Variants in FGF14 observed in about 807,000 individuals in gnomAD.
FGF14 encodes fibroblast growth factor 14.
FGF14 carries 5 observed loss-of-function variants against 25.5 expected under a neutral mutation model. That is an observed-to-expected ratio of 0.20 (90% CI 0.10 to 0.41). The LOEUF is 0.41. Among genes scored for constraint, FGF14 ranks in the 10% least tolerant of loss-of-function variants. FGF14 has a pLI of 1.00. For missense variants in FGF14, 222 were observed against 320.1 expected (o/e 0.69, Z 2.34); for synonymous variants, 138 against 118.3 (o/e 1.17, Z -1.08).
chr13:101,868,411 C>A lies in FGF14; in HGVS notation c.408+314G>T, dbSNP rs188512576. 7.0e-3 allele frequency: 1,634 copies of A among 232,034 alleles called. 12 individuals carry two copies. The highest frequency in any genetic ancestry group is 0.012 in the Admixed American group (241 of 19,496). 14.4% of individuals were successfully genotyped at this position (232,034 alleles called of 1,614,324 possible). On this transcript the variant is annotated intron_variant, in intron 3 of 4. Coordinates refer to ENST00000376143, the MANE Select transcript of FGF14 (RefSeq NM_004115.4). ...GAATTCATATTGTTTCTTTTAAAAA[C>A]ATTATAAGAAACTCTCTAAGATAAG...
chr13:102,123,465 T>C lies in FGF14; in HGVS notation c.209-248169A>G, dbSNP rs117825936. On this transcript the variant is annotated intron_variant, in intron 1 of 4. Coordinates refer to the FGF14 transcript ENST00000376131. ...AAATTTAGGTAACAGGCAGATTAAGTAAAAATTGATTTTTCTTGCAAGACA... is the reference window on the plus strand; with the variant it reads ...AAATTTAGGTAACAGGCAGATTAAGCAAAAATTGATTTTTCTTGCAAGACA... Among the ~76,000 whole-genome samples, 11 of 152,292 alleles carry C rather than the reference T, an allele frequency of 7.2e-5. No homozygotes were observed. The East Asian group carries it at 2.1e-3, about 29-fold the overall frequency.
intron 1 of FGF14, among the ~76,000 whole-genome samples, chr13:102,009,428 T>G (rs1280988049): frequency 1.3e-5 from 2 of 152,170 alleles, no homozygotes; most frequent in Non-Finnish European, 1.5e-5. Context: ...TTGACGTGCA[T>G]GAGTTTGTGG....
intron 1 of FGF14, among the ~76,000 whole-genome samples, chr13:102,310,226 G>C (rs2055658033): frequency 6.6e-6 from 1 of 152,192 alleles, no homozygotes; most frequent in Admixed American, 6.5e-5. Context: ...CAAGAGGATA[G>C]TTTTACTCTT....
At chr13:102,024,994 T>C (rs1315906344) in intron 1 of FGF14, among the ~76,000 whole-genome samples, 2 of 150,060 alleles carry the variant, frequency 1.3e-5, no homozygotes, top group Non-Finnish European at 2.9e-5. Context: ...CACACACACA[T>C]ATATAAACAC....
At chr13:101,814,552 C>T (rs2041737680) in intron 3 of FGF14, among the ~76,000 whole-genome samples, 1 of 152,192 alleles carries the variant, frequency 6.6e-6, no homozygotes, top group Admixed American at 6.5e-5. Context: ...CTTAAAAATT[C>T]CCTTTTGCCT....
intron 1 of FGF14, among the ~76,000 whole-genome samples, chr13:102,371,378 T>C (rs2057878873): frequency 6.6e-6 from 1 of 152,084 alleles, no homozygotes; most frequent in African/African-American, 2.4e-5. Context: ...GTTTTTTTAT[T>C]CTTTTTTACT....
chr13:102,369,973 C>CT (rs1446128655), intron 1 of FGF14, among the ~76,000 whole-genome samples: 2 of 151,954 alleles, frequency 1.3e-5, no homozygotes, highest in Non-Finnish European at 2.9e-5. Flanking sequence ...GCATTGAATT[C>CT]TTTAACTATC....
chr13:102,059,659 T>C (rs2042589049), intron 1 of FGF14, among the ~76,000 whole-genome samples: 1 of 151,816 alleles, frequency 6.6e-6, no homozygotes, highest in Admixed American at 6.6e-5. Context: ...GAAACCGGCA[T>C]GGCCAACGTG....
intron 1 of FGF14, among the ~76,000 whole-genome samples, chr13:101,946,948 T>C (rs2035848687): frequency 1.3e-5 from 2 of 152,200 alleles, no homozygotes; most frequent in South Asian, 4.1e-4. Flanking sequence ...GAAGAACTCT[T>C]TAGTGCCCCG....
At chr13:102,164,395 C>G (rs969315694) in intron 1 of FGF14, among the ~76,000 whole-genome samples, 15 of 151,986 alleles carry the variant, frequency 9.9e-5, no homozygotes, top group African/African-American at 3.4e-4. Flanking sequence ...CTTTTTTCTC[C>G]CTTAGAGACC....
chr13:102,338,715 C>CA (rs1275454560), intron 1 of FGF14, among the ~76,000 whole-genome samples: 1 of 151,796 alleles, frequency 6.6e-6, no homozygotes, highest in Non-Finnish European at 1.5e-5. Context: ...AAAGGAATAA[C>CA]AAAAAAATAA....
chr13:102,132,451 A>C (rs1302791409), intron 1 of FGF14, among the ~76,000 whole-genome samples: 1 of 152,102 alleles, frequency 6.6e-6, no homozygotes, highest in African/African-American at 2.4e-5. Context: ...TAGCAATGTC[A>C]TGTGAAAGTC....
At chr13:102,239,928 A>G (rs1446804400) in intron 1 of FGF14, among the ~76,000 whole-genome samples, 1 of 152,246 alleles carries the variant, frequency 6.6e-6, no homozygotes, top group Admixed American at 6.5e-5. Context: ...AATTAGGATC[A>G]AGAAATCTAG....
chr13:101,947,691 G>T (rs1401364223), intron 1 of FGF14, among the ~76,000 whole-genome samples: 1 of 152,170 alleles, frequency 6.6e-6, no homozygotes, highest in East Asian at 1.9e-4. Context: ...ACTAGAGGGG[G>T]TAGGGAGGGA....
In FGF14 at chr13:102,274,573, T is replaced by G. The variant is rs79891949; in HGVS notation, c.208+126898A>C. Among the ~76,000 whole-genome samples, 965 of 152,302 alleles carry G rather than the reference T, an allele frequency of 6.3e-3. 2 individuals are homozygous for G. The highest frequency in any genetic ancestry group is 0.022 in the African/African-American group (905 of 41,566). Reference sequence around the variant, plus strand: ...TAAACAAGAAGAATGAAATGCCAATTTTATAAAATGTTGCTCAGAAGTTCT... The same window carrying G: ...TAAACAAGAAGAATGAAATGCCAATGTTATAAAATGTTGCTCAGAAGTTCT... On this transcript the variant is annotated intron_variant, in intron 1 of 4. Coordinates refer to the FGF14 transcript ENST00000376131.
intron 1 of FGF14, among the ~76,000 whole-genome samples, chr13:102,154,977 T>C (rs1311947200): frequency 1.3e-5 from 2 of 152,190 alleles, no homozygotes; most frequent in Non-Finnish European, 2.9e-5. Flanking sequence ...CCTAAATATA[T>C]ATGCACCAAA....
At chr13:101,749,331 A>G (rs1425084645) in intron 3 of FGF14, among the ~76,000 whole-genome samples, 6 of 152,110 alleles carry the variant, frequency 3.9e-5, no homozygotes, top group Non-Finnish European at 5.9e-5. Context: ...GACAGTAATA[A>G]AAAGGAATGA....
At chr13:102,157,804 A>G (rs936740757) in intron 1 of FGF14, among the ~76,000 whole-genome samples, 3 of 152,156 alleles carry the variant, frequency 2.0e-5, no homozygotes, top group African/African-American at 7.2e-5. Flanking sequence ...GAATCTACAA[A>G]GAACTCAAAC....
chr13:102,074,786 A>C (rs1434476674), intron 1 of FGF14, among the ~76,000 whole-genome samples: 1 of 152,230 alleles, frequency 6.6e-6, no homozygotes, highest in Non-Finnish European at 1.5e-5. Context: ...TTCAACATAA[A>C]AACATGATCC....
Sources: gnomAD v4.1 joint callset for allele counts (sites outside exome capture counted in the v4.1 genomes callset) on GRCh38, gnomAD v4.1.1 for gene constraint, MANE v1.5 for transcripts, NCBI Gene and HGNC (gene_info 2026-07-23, HGNC 2026-07-21) for gene names.